TIMP3: variants seen among roughly 807,000 people sequenced by gnomAD.
TIMP3 encodes metalloproteinase inhibitor 3.
TIMP3 carries 11 observed loss-of-function variants against 30.0 expected under a neutral mutation model. The observed-to-expected ratio is 0.37, with a 90% CI of 0.23 to 0.61. TIMP3 has a LOEUF of 0.61. Among genes scored for constraint, TIMP3 ranks in the 20% least tolerant of loss-of-function variants. The pLI, the probability that TIMP3 is intolerant of heterozygous loss-of-function variation, is 0.70. For synonymous variants in TIMP3, 112 were observed against 111.3 expected (o/e 1.01, Z -0.04); for missense variants, 181 against 276.8 (o/e 0.65, Z 2.45).
At chr22:32,859,086 C>T (rs1470799347) in intron 4 of TIMP3, 94 bp from the exon 5 acceptor site, 2 of 1,235,072 alleles carry the variant, frequency 1.6e-6, no homozygotes, top group Non-Finnish European at 2.4e-6. Context: ...GCTTCCCATG[C>T]AGTGGCCCCA....
rs192237868 is a variant in TIMP3, at chr22:32,842,486, A to G, written c.122-6966A>G. 3.5e-4 allele frequency among the ~76,000 whole-genome samples: 53 copies of G among 152,182 alleles called. No individual in the cohort carries two copies. The East Asian group carries it at 8.3e-3, about 24-fold the overall frequency. ...GGAAGGTTCTCAAGATCCTGGGGGG[A>G]TGAGGAAATGCTGAATCACAAGAAT... On this transcript the variant is annotated intron_variant, in intron 1 of 4. Transcript: ENST00000266085.
At chr22:32,821,352 G>A (rs2047240967) in intron 1 of TIMP3, among the ~76,000 whole-genome samples, 1 of 152,170 alleles carries the variant, frequency 6.6e-6, no homozygotes, top group African/African-American at 2.4e-5. Context: ...CATTCTTTAC[G>A]TTCCATTGAA....
At chr22:32,830,179 C>T (rs148416735) in intron 1 of TIMP3, among the ~76,000 whole-genome samples, 124 of 152,266 alleles carry the variant, frequency 8.1e-4, no homozygotes, top group African/African-American at 2.8e-3. Flanking sequence ...GGAACCCCTT[C>T]GTCCTTTTTC....
intron 1 of TIMP3, among the ~76,000 whole-genome samples, chr22:32,833,688 C>G (rs997893308): frequency 6.6e-6 from 1 of 152,318 alleles, no homozygotes. Flanking sequence ...GCTGCCTGGA[C>G]TGGCATGCTA....
At chr22:32,839,942 A>G (rs2047845235) in intron 1 of TIMP3, among the ~76,000 whole-genome samples, 1 of 151,970 alleles carries the variant, frequency 6.6e-6, no homozygotes, top group African/African-American at 2.4e-5. Flanking sequence ...CTCAAGCAGA[A>G]ACCCATCCTG....
At chr22:32,810,456 A>ACAC in intron 1 of TIMP3, among the ~76,000 whole-genome samples, 1 of 149,468 alleles carries the variant, frequency 6.7e-6, no homozygotes, top group African/African-American at 2.5e-5. Context: ...GGAAAGCTGT[A>ACAC]CGATCTGGCC....
intron 1 of TIMP3, among the ~76,000 whole-genome samples, chr22:32,839,836 A>G (rs2047842399): frequency 6.6e-6 from 1 of 152,072 alleles, no homozygotes; most frequent in African/African-American, 2.4e-5. Flanking sequence ...AGGAAGCCTG[A>G]CCTTCCTAAG....
At position 32,855,669 on chromosome 22, in the gene TIMP3, C is replaced by T. The variant is rs895009016; in HGVS notation, c.205-1580C>T. 5.3e-5 allele frequency among the ~76,000 whole-genome samples: 8 copies of T among 152,162 alleles called. No individual in the cohort carries two copies. In the East Asian group the frequency reaches 5.8e-4, roughly 11 times the overall value. On this transcript the variant is annotated intron_variant, in intron 2 of 4. Coordinates refer to ENST00000266085, the MANE Select transcript of TIMP3 (RefSeq NM_000362.5). ...CCTCAGTACCATTGACATTTGGGGC[C>T]GGATAATTCTTTGTTCTGGGGGCTG...
intron 1 of TIMP3, among the ~76,000 whole-genome samples, chr22:32,832,833 TC>T (rs2047617050): frequency 6.6e-6 from 1 of 152,052 alleles, no homozygotes; most frequent in Non-Finnish European, 1.5e-5. Context: ...GCTCAAGTGA[TC>T]CGTTTCCCTC....
At chr22:32,804,742 A>C (rs2046680515) in intron 1 of TIMP3, among the ~76,000 whole-genome samples, 1 of 152,108 alleles carries the variant, frequency 6.6e-6, no homozygotes. Flanking sequence ...CAGGCCCTGC[A>C]CCCTATGGAA....
At chr22:32,847,987 C>T (rs924823044) in intron 1 of TIMP3, among the ~76,000 whole-genome samples, 6 of 152,202 alleles carry the variant, frequency 3.9e-5, no homozygotes, top group Non-Finnish European at 5.9e-5. Flanking sequence ...TATTATTAGA[C>T]GATTTTTTTC....
chr22:32,802,167 G>A, intron 1 of TIMP3, 45 bp downstream of exon 1: 1 of 1,557,148 alleles, frequency 6.4e-7, no homozygotes, highest in Non-Finnish European at 8.6e-7. Context: ...CTGCAGCCAG[G>A]ACTGCAGCGC....
At chr22:32,823,259 A>G (rs1234555673) in intron 1 of TIMP3, among the ~76,000 whole-genome samples, 1 of 152,062 alleles carries the variant, frequency 6.6e-6, no homozygotes, top group Non-Finnish European at 1.5e-5. Context: ...GTGGTCAGTT[A>G]CCTGATTGCT....
intron 1 of TIMP3, among the ~76,000 whole-genome samples, chr22:32,826,735 C>T (rs1481351990): frequency 1.3e-5 from 2 of 152,296 alleles, no homozygotes; most frequent in East Asian, 3.9e-4. Context: ...TCAGATTCTG[C>T]AAACATTTAC....
chr22:32,829,423 G>A lies in TIMP3; in HGVS notation c.122-20029G>A, dbSNP rs1445137237. ...CACTTCATTATGGCAAAGACAGAGG[G>A]GGTGGGGTCCCCGGGCCTTCGGCAT... On this transcript the variant is annotated intron_variant, in intron 1 of 4. Coordinates refer to ENST00000266085, the MANE Select transcript of TIMP3 (RefSeq NM_000362.5). Among the ~76,000 whole-genome samples the A allele has an allele frequency of 2.6e-5, 4 of 152,328 alleles. No individual in the cohort carries two copies. In the South Asian group the frequency reaches 6.2e-4, roughly 24 times the overall value.
chr22:32,810,429 G>C (rs898608332), intron 1 of TIMP3, among the ~76,000 whole-genome samples: 2 of 151,952 alleles, frequency 1.3e-5, no homozygotes, highest in Admixed American at 1.3e-4. Flanking sequence ...GGCTTTTTGT[G>C]GGGGTGGGGA....
intron 1 of TIMP3, among the ~76,000 whole-genome samples, chr22:32,840,099 G>A (rs768046093): frequency 6.6e-6 from 1 of 152,128 alleles, no homozygotes; most frequent in Non-Finnish European, 1.5e-5. Flanking sequence ...TCTGGGCAGG[G>A]AGGTTTTCAT....
Position 32,862,230 on chromosome 22 carries a change from G to A in TIMP3, c.*2853G>A, listed in dbSNP as rs2267185. The A allele has an allele frequency of 0.098, 14,948 of 152,218 alleles. 1,278 individuals are homozygous for A. Among genetic ancestry groups the A allele is most frequent in the African/African-American group, 0.23 (9,601 of 41,472 alleles). The allele number at this position is 152,218 out of a possible 1,614,324, so 9.4% of individuals were successfully genotyped here. ...GATTTTCCTAAGAATCCAGGGCCAT[G>A]GGAGATACAATTCCAAGTTCTCGCT... is the stretch of plus-strand genomic sequence containing the variant. On this transcript the variant is annotated 3_prime_UTR_variant, in exon 5 of 5. Transcript: ENST00000266085.
At chr22:32,827,882 C>G (rs182152987) in intron 1 of TIMP3, among the ~76,000 whole-genome samples, 1 of 152,226 alleles carries the variant, frequency 6.6e-6, no homozygotes, top group Admixed American at 6.5e-5. Flanking sequence ...CCCCCAGATA[C>G]TCACTGGCTG....
Sources: allele counts gnomAD v4.1 joint callset (sites outside exome capture counted in the v4.1 genomes callset), GRCh38; gene constraint gnomAD v4.1.1; transcripts MANE v1.5; gene names NCBI Gene and HGNC (gene_info 2026-07-23, HGNC 2026-07-21).